MACROD2: variants seen among roughly 807,000 people sequenced by gnomAD.
MACROD2 encodes mono-ADP ribosylhydrolase 2.
MACROD2 carries 36 observed loss-of-function variants against 70.4 expected under a neutral mutation model. The observed-to-expected ratio is 0.51, with a 90% CI of 0.39 to 0.68. The LOEUF is 0.68. Among genes scored for constraint, MACROD2 ranks in the 30% least tolerant of loss-of-function variants. The pLI is 0.00. For synonymous variants in MACROD2, 172 were observed against 178.8 expected, an observed-to-expected ratio of 0.96 and a Z score of 0.30; for missense variants, 496 against 538.4, an observed-to-expected ratio of 0.92 and a Z score of 0.78.
chr20:14,830,680 C>T (rs558134025), intron 5 of MACROD2, among the ~76,000 whole-genome samples: 21 of 152,128 alleles, frequency 1.4e-4, no homozygotes, highest in South Asian at 1.2e-3. Flanking sequence ...AACAAGGGTG[C>T]GGTTACTAAT....
chr20:15,120,463 A>C (rs1481736072), intron 5 of MACROD2, among the ~76,000 whole-genome samples: 1 of 152,152 alleles, frequency 6.6e-6, no homozygotes, highest in Admixed American at 6.5e-5. Flanking sequence ...AATATTTTAT[A>C]TGCGTTTTAT....
chr20:15,998,438 T>C (rs2066662048), intron 15 of MACROD2, among the ~76,000 whole-genome samples: 1 of 152,214 alleles, frequency 6.6e-6, no homozygotes, highest in Admixed American at 6.5e-5. Flanking sequence ...TTTATTCATT[T>C]CTTTTATGTT....
At chr20:16,003,485 C>T (rs1227762060) in intron 15 of MACROD2, among the ~76,000 whole-genome samples, 2 of 152,132 alleles carry the variant, frequency 1.3e-5, no homozygotes, top group African/African-American at 2.4e-5. Context: ...TTCCTGGCAA[C>T]AGGCTGCGTA....
intron 4 of MACROD2, among the ~76,000 whole-genome samples, chr20:14,529,523 A>G (rs2085276973): frequency 6.6e-6 from 1 of 152,214 alleles, no homozygotes; most frequent in South Asian, 2.1e-4. Flanking sequence ...AAAGCATAAA[A>G]TAAAAATTCC....
intron 8 of MACROD2, among the ~76,000 whole-genome samples, chr20:15,823,164 A>G (rs2147105400): frequency 6.6e-6 from 1 of 152,374 alleles, no homozygotes; most frequent in African/African-American, 2.4e-5. Context: ...ATGACAAAGC[A>G]AAAGTGAACT....
chr20:14,742,563 C>A (rs1457316476), intron 5 of MACROD2, among the ~76,000 whole-genome samples: 1 of 150,834 alleles, frequency 6.6e-6, no homozygotes. Flanking sequence ...TTCAGCTGTA[C>A]TAGTAAAATT....
chr20:15,634,744 C>T (rs1233980549), intron 8 of MACROD2, among the ~76,000 whole-genome samples: 2 of 152,258 alleles, frequency 1.3e-5, no homozygotes, highest in Middle Eastern at 3.4e-3. Flanking sequence ...CCATTTTCAC[C>T]TTTTTCAATG....
chr20:14,492,630 G>A (rs1568637731), intron 3 of MACROD2, among the ~76,000 whole-genome samples: 1 of 152,024 alleles, frequency 6.6e-6, no homozygotes, highest in Non-Finnish European at 1.5e-5. Flanking sequence ...CACAAAGAAG[G>A]GGAGTTTGGT....
chr20:14,318,756 ACT>A (rs2082634506), intron 3 of MACROD2, among the ~76,000 whole-genome samples: 1 of 151,606 alleles, frequency 6.6e-6, no homozygotes, highest in Non-Finnish European at 1.5e-5. Flanking sequence ...TGCCCTTCCC[ACT>A]CTGCTTTCCT....
chr20:14,875,061 CTT>C (rs933528355), intron 5 of MACROD2, among the ~76,000 whole-genome samples: 7 of 151,878 alleles, frequency 4.6e-5, no homozygotes, highest in African/African-American at 1.7e-4. Context: ...GATATATTGA[CTT>C]TGTGTGTTGA....
chr20:14,365,928 T>C (rs1159957286), intron 3 of MACROD2, among the ~76,000 whole-genome samples: 1 of 152,226 alleles, frequency 6.6e-6, no homozygotes, highest in Non-Finnish European at 1.5e-5. Flanking sequence ...TCTTCTGTTA[T>C]TGATCTCTAG....
intron 16 of MACROD2, among the ~76,000 whole-genome samples, chr20:16,042,084 A>G (rs969588876): frequency 6.6e-6 from 1 of 152,078 alleles, no homozygotes; most frequent in Non-Finnish European, 1.5e-5. Context: ...ATGACCTTGG[A>G]AAAAATTTAG....
intron 4 of MACROD2, among the ~76,000 whole-genome samples, chr20:14,673,418 G>A (rs765677439): frequency 1.3e-5 from 2 of 152,120 alleles, no homozygotes; most frequent in Non-Finnish European, 2.9e-5. Flanking sequence ...CAGAGATTAC[G>A]AAATGCAGAC....
chr20:15,609,431 T>C (rs1035701887), intron 8 of MACROD2, among the ~76,000 whole-genome samples: 5 of 152,214 alleles, frequency 3.3e-5, no homozygotes, highest in African/African-American at 1.2e-4. Context: ...CACAGCAATA[T>C]TGGAAATGTA....
chr20:15,926,446 A>G (rs1338642270), intron 10 of MACROD2, among the ~76,000 whole-genome samples: 4 of 152,224 alleles, frequency 2.6e-5, no homozygotes, highest in African/African-American at 9.6e-5. Context: ...TGGAGCTTAC[A>G]TTCAAGGAGG....
At position 15,298,359 on chromosome 20, in the gene MACROD2, C is replaced by T. The variant is rs530975554; in HGVS notation, c.540+68298C>T. Among the ~76,000 whole-genome samples, 16 of 152,272 alleles carry T rather than the reference C, an allele frequency of 1.1e-4. No individual in the cohort carries two copies. In the East Asian group the frequency reaches 1.2e-3, roughly 11 times the overall value. On this transcript the variant is annotated intron_variant, in intron 6 of 17. Coordinates refer to ENST00000684519, the MANE Select transcript of MACROD2 (RefSeq NM_001351661.2). ...AAAAGGCAGGGAGAGCAATTCCAGCCGCTGGCTGTCCATACTGCTCTGAGC... is the reference window on the plus strand; with the variant it reads ...AAAAGGCAGGGAGAGCAATTCCAGCTGCTGGCTGTCCATACTGCTCTGAGC...
chr20:14,754,794 G>GTTTT (rs1241287642), intron 5 of MACROD2, among the ~76,000 whole-genome samples: 1 of 66,772 alleles, frequency 1.5e-5, no homozygotes, highest in African/African-American at 5.9e-5. Context: ...TAGGTAAAGT[G>GTTTT]ATTTTTTTTT....
intron 3 of MACROD2, among the ~76,000 whole-genome samples, chr20:14,276,630 TAATAA>T (rs753242908): frequency 6.2e-4 from 94 of 151,992 alleles, no homozygotes; most frequent in African/African-American, 1.7e-3. Flanking sequence ...AGTATAATAA[TAATAA>T]AATAAAATAA....
intron 5 of MACROD2, among the ~76,000 whole-genome samples, chr20:15,186,474 A>G (rs1416564080): frequency 6.6e-6 from 1 of 152,212 alleles, no homozygotes; most frequent in Non-Finnish European, 1.5e-5. Context: ...TCTAGGCTCC[A>G]TAAAACAGGA....
Sources: gnomAD v4.1 joint callset for allele counts (sites outside exome capture counted in the v4.1 genomes callset) on GRCh38, gnomAD v4.1.1 for gene constraint, MANE v1.5 for transcripts, NCBI Gene and HGNC (gene_info 2026-07-23, HGNC 2026-07-21) for gene names.